The following MAP4K3 variants were observed in gnomAD, a reference collection of about 807,000 sequenced individuals.
The protein encoded by MAP4K3 is MAPK/ERK kinase kinase kinase 3.
In MAP4K3, 94 loss-of-function variants were observed where a neutral mutation model predicts 143.5. That is an observed-to-expected ratio of 0.65 (90% CI 0.55 to 0.78). The LOEUF is 0.78. MAP4K3 is among the 30% of genes least tolerant of loss of function. MAP4K3 has a pLI of 0.00. For synonymous variants in MAP4K3, 416 were observed against 347.2 expected (o/e 1.20, Z -2.20); for missense variants, 1,077 against 1,068.1 (o/e 1.01, Z -0.12).
At chr2:39,290,120 T>C (rs949090083) in intron 19 of MAP4K3, among the ~76,000 whole-genome samples, 172 bp downstream of exon 19, 2 of 145,120 alleles carry the variant, frequency 1.4e-5, no homozygotes, top group African/African-American at 5.3e-5. Context: ...ACACTAAATA[T>C]AAGTTGGGCA....
intron 5 of MAP4K3, 73 bp downstream of exon 5, chr2:39,337,453 G>C: frequency 1.9e-6 from 2 of 1,037,364 alleles, no homozygotes; most frequent in Non-Finnish European, 2.9e-6. Flanking sequence ...TTACTTTGCT[G>C]AACAGGTAAT....
At chr2:39,354,057 T>C (rs1224811498) in intron 3 of MAP4K3, among the ~76,000 whole-genome samples, 2 of 152,096 alleles carry the variant, frequency 1.3e-5, no homozygotes, top group African/African-American at 4.8e-5. Flanking sequence ...CATTTTACCA[T>C]ACCAAGGGTG....
chr2:39,340,201 TAA>T (rs950747288), intron 4 of MAP4K3, among the ~76,000 whole-genome samples: 4 of 152,092 alleles, frequency 2.6e-5, no homozygotes, highest in African/African-American at 9.7e-5. Flanking sequence ...GACAATGTGA[TAA>T]AAAAGAGGCA....
chr2:39,363,992 T>TAAAAAAAAAAAAAAAAAAAAAAAAA (rs70957104), intron 2 of MAP4K3, among the ~76,000 whole-genome samples: 1 of 129,136 alleles, frequency 7.7e-6, no homozygotes, highest in Non-Finnish European at 1.6e-5. Flanking sequence ...ATAGCCATTA[T>TAAAAAAAAAAAAAAAAAAAAAAAAA]AAAAAAAAAA....
At chr2:39,360,851 C>T (rs576734301) in intron 2 of MAP4K3, among the ~76,000 whole-genome samples, 1 of 152,084 alleles carries the variant, frequency 6.6e-6, no homozygotes, top group Non-Finnish European at 1.5e-5. Context: ...CAATTACCTC[C>T]CACAAAGTCC....
At chr2:39,375,558 G>A (rs140963534) in intron 2 of MAP4K3, among the ~76,000 whole-genome samples, 1 of 152,268 alleles carries the variant, frequency 6.6e-6, no homozygotes, top group East Asian at 1.9e-4. Context: ...CTAAGCGTAG[G>A]TCTTATTAAT....
chr2:39,333,414 C>G, intron 7 of MAP4K3, 118 bp downstream of exon 7: 4 of 731,966 alleles, frequency 5.5e-6, no homozygotes, highest in Non-Finnish European at 9.5e-6. Flanking sequence ...AGATTTCCAT[C>G]TAAAAATACA....
intron 17 of MAP4K3, 22 bp from the exon 18 acceptor site, chr2:39,292,848 ATT>A: frequency 6.3e-7 from 1 of 1,593,054 alleles, no homozygotes. Flanking sequence ...GGATAATGTC[ATT>A]GTTATTAAAT....
chr2:39,405,603 C>T (rs1162250876), intron 1 of MAP4K3, among the ~76,000 whole-genome samples: 1 of 152,176 alleles, frequency 6.6e-6, no homozygotes, highest in East Asian at 1.9e-4. Context: ...GCACGATGCT[C>T]ACACCAGTAA....
At chr2:39,337,038 A>C in intron 5 of MAP4K3, 71 bp from the exon 6 acceptor site, 1 of 716,632 alleles carries the variant, frequency 1.4e-6, no homozygotes, top group Non-Finnish European at 2.4e-6. Context: ...TTATGTAATC[A>C]AATGGGTAGT....
At chr2:39,319,719 A>C (rs1220316964) in intron 12 of MAP4K3, among the ~76,000 whole-genome samples, 1 of 152,192 alleles carries the variant, frequency 6.6e-6, no homozygotes, top group Non-Finnish European at 1.5e-5. Flanking sequence ...GAATCCACTA[A>C]TCTGCTATGC....
chr2:39,270,010 T>A (rs1473911773), intron 26 of MAP4K3, among the ~76,000 whole-genome samples: 2 of 152,116 alleles, frequency 1.3e-5, no homozygotes, highest in Non-Finnish European at 2.9e-5. Flanking sequence ...TTAAAAAAAA[T>A]CTGAACCAAG....
chr2:39,312,311 C>T (rs1282685286), intron 13 of MAP4K3, among the ~76,000 whole-genome samples: 1 of 152,044 alleles, frequency 6.6e-6, no homozygotes, highest in Non-Finnish European at 1.5e-5. Context: ...GTAAAACCCT[C>T]AAGTCCACTG....
chr2:39,283,289 G>T (rs1203098436), intron 21 of MAP4K3, among the ~76,000 whole-genome samples: 1 of 152,090 alleles, frequency 6.6e-6, no homozygotes, highest in Non-Finnish European at 1.5e-5. Flanking sequence ...AGAGCTCCTG[G>T]TTCTTTCTAG....
chr2:39,250,487 CT>C lies in MAP4K3; in HGVS notation c.*130del. 2 of 850,192 alleles carry C rather than the reference CT, an allele frequency of 2.4e-6. No homozygotes were observed. The highest frequency in any genetic ancestry group is 1.7e-5 in the African/African-American group (1 of 58,618). 52.7% of individuals were successfully genotyped at this position (850,192 alleles called of 1,614,324 possible). On this transcript the variant is annotated 3_prime_UTR_variant, in exon 34 of 34. Transcript: ENST00000263881. ...TAAAACAAAATTTTCCCCATCTTAT[CT>C]CATGCCACAATAAATTACAAAGTAA...
rs573741549 is a variant in MAP4K3 at position 39,370,817 on chromosome 2, T to C, written c.154+7249A>G. ...TATCTGCATTTGTATCATATTATAA[T>C]AACTAGTGCTGCAAACAATACCACA... On this transcript the variant is annotated intron_variant, in intron 2 of 33. Transcript: ENST00000263881. Among the ~76,000 whole-genome samples, 7 of 152,306 alleles carry C rather than the reference T, an allele frequency of 4.6e-5. No individual in the cohort carries two copies. The East Asian group carries it at 1.2e-3, about 25-fold the overall frequency.
At chr2:39,292,070 TAATAGTA>T (rs1464032626) in intron 18 of MAP4K3, among the ~76,000 whole-genome samples, 2 of 151,932 alleles carry the variant, frequency 1.3e-5, no homozygotes, top group Admixed American at 1.3e-4. Context: ...AATGCATACA[TAATAGTA>T]AAAATATTCC....
Position 39,326,155 on chromosome 2 carries a change from T to C in MAP4K3, c.653A>G (p.His218Arg). Reference protein sequence around the residue: ...AELQPPMFDLHPMRALFLMTK... With the variant: ...AELQPPMFDLRPMRALFLMTK... Reference sequence around the variant, plus strand: ...ATGATGATGCACTGACCTCATTGGGTGTAAGTCAAACATAGGAGGCTGAAG... The same window carrying C: ...ATGATGATGCACTGACCTCATTGGGCGTAAGTCAAACATAGGAGGCTGAAG... Residue 218 changes from histidine (H) to arginine (R), a missense_variant, in exon 9 of 34, where the codon CAC becomes CGC. His to Arg is a conservative substitution (Grantham distance 29). Transcript: ENST00000263881. The C allele has an allele frequency of 6.2e-7, 1 of 1,613,402 alleles. No homozygotes were observed. The highest frequency in any genetic ancestry group is 8.5e-7 in the Non-Finnish European group (1 of 1,179,750).
chr2:39,379,037 A>T (rs539234131), intron 1 of MAP4K3, among the ~76,000 whole-genome samples: 19 of 152,190 alleles, frequency 1.2e-4, no homozygotes, highest in Non-Finnish European at 2.2e-4. Context: ...CATACCACCA[A>T]TGAAGAACAA....
Sources: gnomAD v4.1 joint callset for allele counts (sites outside exome capture counted in the v4.1 genomes callset) on GRCh38, gnomAD v4.1.1 for gene constraint, MANE v1.5 for transcripts, NCBI Gene and HGNC (gene_info 2026-07-23, HGNC 2026-07-21) for gene names.